HPGD: variants seen among roughly 807,000 people sequenced by gnomAD.
HPGD encodes 15-hydroxyprostaglandin dehydrogenase.
Under a neutral mutation model 30.0 loss-of-function variants are expected in HPGD, and 29 were observed. The observed-to-expected ratio is 0.97, with a 90% CI of 0.72 to 1.32. The LOEUF (loss-of-function observed/expected upper bound fraction) is 1.32, where lower values mean the gene tolerates loss of function less well. HPGD is among the 40% of genes most tolerant of loss of function. HPGD has a pLI of 0.00. For missense variants in HPGD, 340 were observed against 322.1 expected (o/e 1.06, Z -0.43); for synonymous variants, 99 against 112.4 (o/e 0.88, Z 0.75).
chr4:174,514,809 T>C (rs576816273), intron 3 of HPGD, among the ~76,000 whole-genome samples: 5 of 152,276 alleles, frequency 3.3e-5, no homozygotes, highest in South Asian at 4.2e-4. Flanking sequence ...ATAAACAATT[T>C]AAGTTACGTT....
intron 3 of HPGD, among the ~76,000 whole-genome samples, chr4:174,516,433 C>T (rs1172537609): frequency 6.6e-6 from 1 of 152,014 alleles, no homozygotes; most frequent in Non-Finnish European, 1.5e-5. Context: ...AGGAACAAAA[C>T]ATTAAGCACA....
intron 4 of HPGD, among the ~76,000 whole-genome samples, chr4:174,505,873 G>C (rs1735162725): frequency 1.3e-5 from 2 of 152,162 alleles, no homozygotes; most frequent in African/African-American, 4.8e-5. Flanking sequence ...ATTTTACATA[G>C]TGTTGCCTTG....
In HPGD at chr4:174,494,593, C is replaced by A. The variant is rs1357652558; in HGVS notation, c.498+955G>T. 6.6e-6 allele frequency among the ~76,000 whole-genome samples: 1 copy of A among 152,108 alleles called. No individual in the cohort carries two copies. The highest frequency in any genetic ancestry group is 1.9e-4 in the East Asian group (1 of 5,194). On this transcript the variant is annotated intron_variant, in intron 5 of 6. Transcript: ENST00000296522. The surrounding 1 kb of genome is among the most constrained non-coding windows in gnomAD (Gnocchi z 4.9). ...AATCAATTTAAGAGTGTGAGAACTACTTATCTTCCATTTTGACTGAACAGT... is the reference window on the plus strand; with the variant it reads ...AATCAATTTAAGAGTGTGAGAACTAATTATCTTCCATTTTGACTGAACAGT...
chr4:174,491,749 C>T lies in HPGD; in HGVS notation c.*207G>A, dbSNP rs181290362. The T allele has an allele frequency of 1.3e-4, 70 of 540,378 alleles. No individual in the cohort carries two copies. In the East Asian group the frequency reaches 2.2e-3, roughly 17 times the overall value. The allele number at this position is 540,378 out of a possible 1,614,324, so 33.5% of individuals were successfully genotyped here. A position where few individuals can be genotyped will look rare whatever the true frequency, so the allele number is the denominator to read the frequency against. On this transcript the variant is annotated 3_prime_UTR_variant, in exon 7 of 7. Transcript: ENST00000296522. ...TTTTTTAGACTATCAAGATTACAAC[C>T]TAGCCTTTGGTCCACATCACATTTT...
intron 4 of HPGD, among the ~76,000 whole-genome samples, chr4:174,497,568 C>CCTT (rs1560976894): frequency 2.0e-5 from 1 of 51,114 alleles, no homozygotes; most frequent in African/African-American, 6.7e-5. Context: ...CTTTTTCTTT[C>CCTT]TTTTTTTTTT....
chr4:174,493,455 AATAG>A (rs1159754440), intron 5 of HPGD, 141 bp from the exon 6 acceptor site: 10 of 724,218 alleles, frequency 1.4e-5, no homozygotes, highest in African/African-American at 3.5e-5. Flanking sequence ...ATGACTGGTA[AATAG>A]ATAGTAAAAT....
At chr4:174,522,302 G>A (rs183428856) in intron 1 of HPGD, 57 bp downstream of exon 1, 1 of 1,488,406 alleles carries the variant, frequency 6.7e-7, no homozygotes, top group East Asian at 2.4e-5. Flanking sequence ...TCGGGCGGCG[G>A]GGCGAGTCTC....
intron 3 of HPGD, among the ~76,000 whole-genome samples, chr4:174,514,775 T>A (rs1414059372): frequency 6.6e-6 from 1 of 152,144 alleles, no homozygotes; most frequent in African/African-American, 2.4e-5. Flanking sequence ...CACCATAGTC[T>A]CTGCCCAAAG....
At chr4:174,516,610 T>A (rs1267581361) in intron 3 of HPGD, among the ~76,000 whole-genome samples, 1 of 151,996 alleles carries the variant, frequency 6.6e-6, no homozygotes, top group Non-Finnish European at 1.5e-5. Flanking sequence ...AGGTAACAAA[T>A]CTGCACATGT....
rs10659517 is a variant in HPGD at position 174,499,960 on chromosome 4, G to GACACAC, written c.422-4342_422-4337dup. On this transcript the variant is annotated intron_variant, in intron 4 of 6. Coordinates refer to ENST00000296522, the MANE Select transcript of HPGD (RefSeq NM_000860.6). The stretch of plus-strand genomic sequence containing the variant: ...AATTTGTCTCTCTCAATCTTTGTAT[G>GACACAC]ACACACACACACACACACACTCAAA... Among the ~76,000 whole-genome samples, 288 of 150,232 alleles carry GACACAC rather than the reference G, an allele frequency of 1.9e-3. No homozygotes were observed. In the East Asian group the frequency reaches 0.028, roughly 15 times the overall value.
rs1734602531 is a variant in HPGD at position 174,496,476 on chromosome 4, C to T, written c.422-852G>A. Among the ~76,000 whole-genome samples the T allele has an allele frequency of 6.6e-6, 1 of 152,158 alleles. No homozygotes were observed. The highest frequency in any genetic ancestry group is 6.5e-5 in the Admixed American group (1 of 15,268). On this transcript the variant is annotated intron_variant, in intron 4 of 6. Coordinates refer to ENST00000296522, the MANE Select transcript of HPGD (RefSeq NM_000860.6). This position sits in a 1 kb window ranked among gnomAD's most constrained non-coding sequence, Gnocchi z 4.6. ...AACAACAATAAAAACCTATTTTACT[C>T]TAGTAACTATTATTATCAAGCTTAT...
At chr4:174,510,170 C>CT (rs928644674) in intron 3 of HPGD, among the ~76,000 whole-genome samples, 47 of 151,842 alleles carry the variant, frequency 3.1e-4, no homozygotes, top group African/African-American at 9.2e-4. Flanking sequence ...TTGAAGTTTT[C>CT]TTTTTTTTGC....
intron 5 of HPGD, among the ~76,000 whole-genome samples, chr4:174,493,947 T>C (rs1055943344): frequency 2.0e-5 from 3 of 152,218 alleles, no homozygotes; most frequent in Admixed American, 6.5e-5. Flanking sequence ...TTGTAGTTAT[T>C]TGTGGACATG....
At chr4:174,498,321 A>AC (rs1734739937) in intron 4 of HPGD, among the ~76,000 whole-genome samples, 2 of 149,654 alleles carry the variant, frequency 1.3e-5, no homozygotes, top group South Asian at 4.2e-4. Context: ...TCCTTTTTTC[A>AC]TTTTTTTTTT....
chr4:174,522,784 C>A, upstream of HPGD: 1 of 241,652 alleles, frequency 4.1e-6, no homozygotes, highest in Non-Finnish European at 7.8e-6. Flanking sequence ...TCCTTCAGTG[C>A]CCTAAAGACC....
chr4:174,517,919 A>T, intron 3 of HPGD, 52 bp downstream of exon 3: 1 of 958,894 alleles, frequency 1.0e-6, no homozygotes, highest in Admixed American at 1.9e-5. Flanking sequence ...TTCTTTACAA[A>T]CATCATGTTA....
At chr4:174,522,544 C>G (rs1043346213), upstream of HPGD, 12 of 889,176 alleles carry the variant, frequency 1.3e-5, no homozygotes, top group Non-Finnish European at 1.9e-5. Context: ...CGCGTGCAGC[C>G]CGGCGGGGCG....
In HPGD at chr4:174,518,049, A is replaced by C. The variant is rs763937878; in HGVS notation, c.246T>G (p.Phe82Leu). The change falls in exon 3 of 7, where the codon TTT becomes TTG. Residue 82 changes from phenylalanine (F) to leucine (L), a missense_variant. By Grantham distance (22) the Phe-to-Leu change is conservative. Transcript: ENST00000296522. The part of the protein sequence containing the change: ...RDTFRKVVDH[F>L]GRLDILVNNA... ...TATTGACCAAAATGTCCAGTCTTCC[A>C]AAGTGGTCTACAACTTTTCTAAAAG... 4 of 1,598,546 alleles carry C rather than the reference A, an allele frequency of 2.5e-6. No individual in the cohort carries two copies. The highest frequency in any genetic ancestry group is 2.7e-5 in the African/African-American group (2 of 74,610).
At chr4:174,522,241 G>C in intron 1 of HPGD, 118 bp downstream of exon 1, 1 of 1,383,298 alleles carries the variant, frequency 7.2e-7, no homozygotes, top group East Asian at 2.4e-5. Flanking sequence ...AATTTTGGAA[G>C]TGGCAAAGTG....
Sources: allele counts gnomAD v4.1 joint callset (sites outside exome capture counted in the v4.1 genomes callset), GRCh38; gene constraint gnomAD v4.1.1; non-coding constraint Gnocchi (gnomAD v3.1); transcripts MANE v1.5; gene names NCBI Gene and HGNC (gene_info 2026-07-23, HGNC 2026-07-21).